The following ITGAM variants were observed in gnomAD, a reference collection of about 807,000 sequenced individuals.
ITGAM encodes integrin subunit alpha M.
In ITGAM, 79 loss-of-function variants were observed where a neutral mutation model predicts 137.5. The observed-to-expected ratio is 0.57, with a 90% CI of 0.48 to 0.69. ITGAM has a LOEUF of 0.69. ITGAM is among the 30% of genes least tolerant of loss of function. The pLI is 0.00. For synonymous variants in ITGAM, 583 were observed against 592.3 expected, an observed-to-expected ratio of 0.98 and a Z score of 0.23; for missense variants, 1,343 against 1,483.5, an observed-to-expected ratio of 0.91 and a Z score of 1.56.
At chr16:31,273,233 C>A in intron 7 of ITGAM, 132 bp from the exon 8 acceptor site, 2 of 735,034 alleles carry the variant, frequency 2.7e-6, no homozygotes, top group Non-Finnish European at 4.3e-6. Flanking sequence ...GAGTTCAAGT[C>A]TGCAGTGAGC....
chr16:31,296,333 G>C (rs1178635657), intron 12 of ITGAM, among the ~76,000 whole-genome samples: 1 of 150,180 alleles, frequency 6.7e-6, no homozygotes, highest in Admixed American at 6.6e-5. Flanking sequence ...GGTTGGTCTC[G>C]AACTCCTGAC....
Position 31,276,826 on chromosome 16 carries a change from C to G in ITGAM, c.1083+82C>G, listed in dbSNP as rs1596985752. On this transcript the variant is annotated intron_variant, in intron 10 of 29. Transcript: ENST00000544665. ...GGAGAGATGTGGGGGTTTGGGGACTCTTCTCTGTGATAGATACTTGGGAAG... is the reference window on the plus strand; with the variant it reads ...GGAGAGATGTGGGGGTTTGGGGACTGTTCTCTGTGATAGATACTTGGGAAG... 1.6e-5 allele frequency: 25 copies of G among 1,580,150 alleles called. No individual in the cohort carries two copies. In the East Asian group the frequency reaches 5.2e-4, roughly 33 times the overall value.
chr16:31,283,632 C>G (rs1391606605), intron 12 of ITGAM, among the ~76,000 whole-genome samples: 1 of 152,178 alleles, frequency 6.6e-6, no homozygotes, highest in African/African-American at 2.4e-5. Context: ...AATCTTTTTA[C>G]AAGGTTTTTA....
In ITGAM at chr16:31,329,870, G is replaced by A; in HGVS notation, c.2941G>A (p.Val981Ile). 1 of 1,564,652 alleles carries A rather than the reference G, an allele frequency of 6.4e-7. No individual in the cohort carries two copies. Among genetic ancestry groups the A allele is most frequent in the Non-Finnish European group, 8.7e-7 (1 of 1,154,538 alleles). ...GGTGCCCGTCCGGCTGAACCAGACTGTCATATGGGACCGCCCCCAGGTCAC... is the reference window on the plus strand; with the variant it reads ...GGTGCCCGTCCGGCTGAACCAGACTATCATATGGGACCGCCCCCAGGTCAC... ...FLVPVRLNQTVIWDRPQVTFS... is the reference protein window; with the variant it reads ...FLVPVRLNQTIIWDRPQVTFS... Residue 981 changes from valine (V) to isoleucine (I), a missense_variant, in exon 25 of 30, where the codon GTC (valine) becomes ATC (isoleucine). Transcript: ENST00000544665.
intron 12 of ITGAM, among the ~76,000 whole-genome samples, chr16:31,287,123 C>G (rs1045912489): frequency 6.6e-6 from 1 of 152,156 alleles, no homozygotes; most frequent in East Asian, 1.9e-4. Context: ...TCTCCACACT[C>G]TTTATTGAAT....
intron 12 of ITGAM, among the ~76,000 whole-genome samples, chr16:31,285,532 G>T (rs1842092179): frequency 6.6e-6 from 1 of 152,152 alleles, no homozygotes; most frequent in Non-Finnish European, 1.5e-5. Context: ...AGCTACTCGG[G>T]AGGCTGAGGC....
At chr16:31,276,782 G>A in intron 10 of ITGAM, 38 bp downstream of exon 10, 7 of 1,584,704 alleles carry the variant, frequency 4.4e-6, no homozygotes, top group Non-Finnish European at 6.0e-6. Flanking sequence ...GGTGGGGCAG[G>A]GGGTAGCAAG....
chr16:31,315,640 A>G (rs941517147), intron 14 of ITGAM, among the ~76,000 whole-genome samples: 1 of 150,834 alleles, frequency 6.6e-6, no homozygotes, highest in Non-Finnish European at 1.5e-5. Flanking sequence ...TGTATATTTA[A>G]TAGAGACGGG....
intron 22 of ITGAM, among the ~76,000 whole-genome samples, chr16:31,327,742 G>A (rs1359144336): frequency 6.6e-6 from 1 of 152,174 alleles, no homozygotes; most frequent in Admixed American, 6.5e-5. Context: ...GTGTGTTTAA[G>A]AGTGGCCTCA....
At chr16:31,284,470 C>T (rs2080005994) in intron 12 of ITGAM, among the ~76,000 whole-genome samples, 1 of 133,364 alleles carries the variant, frequency 7.5e-6, no homozygotes, top group South Asian at 2.2e-4. Flanking sequence ...GCAGCTTGAT[C>T]TCAAACTGCT....
At chr16:31,317,245 C>T (rs959591398) in intron 14 of ITGAM, among the ~76,000 whole-genome samples, 7 of 151,906 alleles carry the variant, frequency 4.6e-5, no homozygotes, top group African/African-American at 1.7e-4. Context: ...TTTTAATGTT[C>T]TTTATCATGT....
chr16:31,323,006 T>C (rs757985233), intron 16 of ITGAM, among the ~76,000 whole-genome samples: 3 of 150,174 alleles, frequency 2.0e-5, no homozygotes, highest in Non-Finnish European at 4.4e-5. Flanking sequence ...AAACATGTAA[T>C]TGGAATTACA....
At chr16:31,298,455 C>T (rs1355426762) in intron 14 of ITGAM, among the ~76,000 whole-genome samples, 2 of 152,152 alleles carry the variant, frequency 1.3e-5, no homozygotes, top group African/African-American at 4.8e-5. Context: ...TTGATTATTT[C>T]TACAGCAATA....
intron 12 of ITGAM, among the ~76,000 whole-genome samples, chr16:31,294,228 T>G (rs1303097721): frequency 6.6e-6 from 1 of 152,128 alleles, no homozygotes; most frequent in East Asian, 1.9e-4. Flanking sequence ...TGTATGCCCT[T>G]TTTTCTTTCT....
chr16:31,301,191 C>G (rs946034128), intron 14 of ITGAM, among the ~76,000 whole-genome samples: 2 of 152,130 alleles, frequency 1.3e-5, no homozygotes, highest in Non-Finnish European at 2.9e-5. Flanking sequence ...GAGTTTTATT[C>G]TAGATGTTTT....
At chr16:31,295,860 G>A (rs917832155) in intron 12 of ITGAM, among the ~76,000 whole-genome samples, 4 of 151,658 alleles carry the variant, frequency 2.6e-5, no homozygotes, top group African/African-American at 4.8e-5. Flanking sequence ...TGGGCTTGTC[G>A]TATATGGCCT....
intron 12 of ITGAM, among the ~76,000 whole-genome samples, chr16:31,297,164 T>TA (rs1361571167): frequency 6.6e-6 from 1 of 152,042 alleles, no homozygotes; most frequent in Admixed American, 6.6e-5. Flanking sequence ...TTTAAATTAT[T>TA]AAAAAATATA....
At chr16:31,315,355 C>T (rs1365400552) in intron 14 of ITGAM, among the ~76,000 whole-genome samples, 3 of 152,106 alleles carry the variant, frequency 2.0e-5, no homozygotes, top group African/African-American at 4.8e-5. Context: ...AAATCATTGC[C>T]CAGACCAATG....
chr16:31,268,365 C>T (rs1282372383), intron 5 of ITGAM, among the ~76,000 whole-genome samples: 1 of 152,176 alleles, frequency 6.6e-6, no homozygotes, highest in African/African-American at 2.4e-5. Flanking sequence ...AATACATACA[C>T]TTGGTTCAAA....
Sources: gnomAD v4.1 joint callset for allele counts (sites outside exome capture counted in the v4.1 genomes callset) on GRCh38, gnomAD v4.1.1 for gene constraint, MANE v1.5 for transcripts, NCBI Gene and HGNC (gene_info 2026-07-23, HGNC 2026-07-21) for gene names.